Variants in REELD1 observed in about 807,000 individuals in gnomAD.
The protein encoded by REELD1 is reelin domain-containing protein 1.
In REELD1, 12 loss-of-function variants were observed where a neutral mutation model predicts 6.3. The observed-to-expected ratio is 1.89, with a 90% CI of 1.21 to 3.07. The LOEUF (loss-of-function observed/expected upper bound fraction) is 3.07, where lower values mean the gene tolerates loss of function less well. REELD1 is among the 30% of genes most tolerant of loss of function. REELD1 has a pLI of 0.00. For missense variants in REELD1, 163 were observed against 86.8 expected (o/e 1.88, Z -3.49); for synonymous variants, 57 against 33.6 (o/e 1.70, Z -2.42).
intron 5 of REELD1, among the ~76,000 whole-genome samples, chr4:146,227,062 C>T (rs1462639213): frequency 2.6e-5 from 4 of 152,208 alleles, no homozygotes; most frequent in Non-Finnish European, 5.9e-5. Context: ...CGCGAGCGCC[C>T]GGCCTCTTTA....
In REELD1 at chr4:146,230,616, T is replaced by A. The variant is rs1408012026; in HGVS notation, c.*103T>A. 2.5e-6 allele frequency: 1 copy of A among 397,334 alleles called. No individual in the cohort carries two copies. Among genetic ancestry groups the A allele is most frequent in the East Asian group, 3.6e-5 (1 of 28,068 alleles). 24.6% of individuals were successfully genotyped at this position (397,334 alleles called of 1,614,324 possible). ...AATAACTGATGAAGACAGGGACTCA[T>A]TGTGCCTCTGTCAATGTGCAGTTAG... On this transcript the variant is annotated 3_prime_UTR_variant, in exon 8 of 8. Coordinates refer to ENST00000623665, the MANE Select transcript of REELD1 (RefSeq NM_001354631.1).
rs1730842048 is a variant in REELD1, at chr4:146,217,150, C to A, written c.198C>A (p.Asp66Glu). ...ACAGGACTTCCTATGCACCAGGTGACAAGATTCCAGGTATGTACCAGAGAG... is the reference window on the plus strand; with the variant it reads ...ACAGGACTTCCTATGCACCAGGTGAAAAGATTCCAGGTATGTACCAGAGAG... ...HTHRTSYAPG[D>E]KIPVTVRSSR... is the part of the protein sequence containing the mutation. Residue 66 changes from aspartate to glutamate, a missense_variant, in exon 3 of 8, where the codon GAC becomes GAA. Coordinates refer to ENST00000623665, the MANE Select transcript of REELD1 (RefSeq NM_001354631.1). 2.5e-6 allele frequency: 1 copy of A among 399,494 alleles called. No homozygotes were observed. The highest frequency in any genetic ancestry group is 2.1e-5 in the African/African-American group (1 of 48,636). 24.7% of individuals were successfully genotyped at this position (399,494 alleles called of 1,614,324 possible). A position where few individuals can be genotyped will look rare whatever the true frequency, so the allele number is the denominator to read the frequency against.
rs576118956 is a variant in REELD1 at position 146,218,706 on chromosome 4, G to A, written c.208+1546G>A. On this transcript the variant is annotated intron_variant, in intron 3 of 7. Coordinates refer to ENST00000623665, the MANE Select transcript of REELD1 (RefSeq NM_001354631.1). Reference sequence around the variant, plus strand: ...AGTGAGTCTGTGTATTTAGCACACCGGGGCAAATGCAAGAGGCTCCCCAAG... The same window carrying A: ...AGTGAGTCTGTGTATTTAGCACACCAGGGCAAATGCAAGAGGCTCCCCAAG... 6.6e-5 allele frequency among the ~76,000 whole-genome samples: 10 copies of A among 152,242 alleles called. 1 individual carries two copies. In the South Asian group the frequency reaches 8.3e-4, roughly 13 times the overall value.
At chr4:146,224,740 C>A in intron 5 of REELD1, 132 bp downstream of exon 5, 1 of 632,064 alleles carries the variant, frequency 1.6e-6, no homozygotes, top group Admixed American at 2.3e-5. Context: ...CCGTGGCCAA[C>A]TGCAGCAGTT....
In REELD1 at chr4:146,222,427, C is replaced by T. The variant is rs990587951; in HGVS notation, c.279C>T (p.Ile93=). 11 of 398,596 alleles carry T rather than the reference C, an allele frequency of 2.8e-5. No individual in the cohort carries two copies. Among genetic ancestry groups the T allele is most frequent in the African/African-American group, 1.6e-4 (8 of 48,742 alleles). The allele number at this position is 398,596 out of a possible 1,614,324, so 24.7% of individuals were successfully genotyped here. Residue 93 remains isoleucine, a synonymous_variant, in exon 4 of 8, where the codon ATC becomes ATT. Coordinates refer to ENST00000623665, the MANE Select transcript of REELD1 (RefSeq NM_001354631.1). ...CTCGAAGAGTGTCCGATCATCAAAT[C>T]GCTGGCACTTTCGTTCTCATTCCTC... ...LQARRVSDHQ[I]AGTFVLIPPH...
rs534863413 is a variant in REELD1, at chr4:146,216,857, G to A, written c.-11-85G>A. ...ATCTCAGGTACAGAGGCAGTGTGGG[G>A]TTCAGGTTAGTCACATCCCGAGAAG... On this transcript the variant is annotated intron_variant, in intron 2 of 7. Coordinates refer to ENST00000623665, the MANE Select transcript of REELD1 (RefSeq NM_001354631.1). 2.3e-5 allele frequency: 9 copies of A among 397,690 alleles called. 1 individual carries two copies. The South Asian group carries it at 7.1e-4, about 31-fold the overall frequency. The allele number at this position is 397,690 out of a possible 1,614,324, so 24.6% of individuals were successfully genotyped here. A position where few individuals can be genotyped will look rare whatever the true frequency, so the allele number is the denominator to read the frequency against.
chr4:146,223,066 G>A (rs891504144), intron 4 of REELD1, among the ~76,000 whole-genome samples: 1 of 152,146 alleles, frequency 6.6e-6, no homozygotes, highest in Non-Finnish European at 1.5e-5. Context: ...GCCTACGTTC[G>A]CTCAGAAGAG....
At position 146,230,418 on chromosome 4, in the gene REELD1, C is replaced by T. The variant is rs1731109056; in HGVS notation, c.1486C>T (p.His496Tyr). The change falls in exon 8 of 8, where the codon CAC (histidine) becomes TAC (tyrosine). Residue 496 changes from histidine (H) to tyrosine (Y), a missense_variant. By Grantham distance (83) the His-to-Tyr change is moderately conservative. Coordinates refer to ENST00000623665, the MANE Select transcript of REELD1 (RefSeq NM_001354631.1). The part of the protein sequence containing the change: ...VARSNSGETV[H>Y]VRKIGENSFV... ...CAGGAGCAACAGTGGTGAGACTGTGCACGTCAGGAAGATTGGGGAGAACAG... is the reference window on the plus strand; with the variant it reads ...CAGGAGCAACAGTGGTGAGACTGTGTACGTCAGGAAGATTGGGGAGAACAG... 2.5e-6 allele frequency: 1 copy of T among 398,730 alleles called. No homozygotes were observed. Among genetic ancestry groups the T allele is most frequent in the Non-Finnish European group, 4.4e-6 (1 of 226,124 alleles). The allele number at this position is 398,730 out of a possible 1,614,324, so 24.7% of individuals were successfully genotyped here.
chr4:146,224,923 A>C (rs1730994117), intron 5 of REELD1, among the ~76,000 whole-genome samples: 1 of 152,150 alleles, frequency 6.6e-6, no homozygotes, highest in Non-Finnish European at 1.5e-5. Flanking sequence ...TTCCCCCAAC[A>C]TTTACTAGTC....
intron 5 of REELD1, among the ~76,000 whole-genome samples, chr4:146,225,974 CATGT>C (rs1731014888): frequency 6.6e-6 from 1 of 152,064 alleles, no homozygotes; most frequent in Admixed American, 6.5e-5. Context: ...CTTGTGCACG[CATGT>C]ATGTATTTAT....
At chr4:146,218,091 A>G (rs1730857429) in intron 3 of REELD1, among the ~76,000 whole-genome samples, 1 of 152,224 alleles carries the variant, frequency 6.6e-6, no homozygotes, top group Non-Finnish European at 1.5e-5. Flanking sequence ...GGGCAAGAGG[A>G]GATGCCAGTC....
chr4:146,222,862 G>A (rs1730948222), intron 4 of REELD1, among the ~76,000 whole-genome samples: 1 of 152,176 alleles, frequency 6.6e-6, no homozygotes, highest in Non-Finnish European at 1.5e-5. Context: ...CTCTCTAGGA[G>A]TTTCTGACCA....
rs1264517671 is a variant in REELD1 at position 146,232,161 on chromosome 4, G to A, written c.*1648G>A. 1 of 152,208 alleles carries A rather than the reference G, an allele frequency of 6.6e-6. No individual in the cohort carries two copies. The highest frequency in any genetic ancestry group is 2.4e-5 in the African/African-American group (1 of 41,452). The allele number at this position is 152,208 out of a possible 1,614,324, so 9.4% of individuals were successfully genotyped here. A position where few individuals can be genotyped will look rare whatever the true frequency, so the allele number is the denominator to read the frequency against. ...ATGCAAACTTTTTTAGATCTTTTCT[G>A]TCTAAGAGAGAATTTTCCTATGTAA... On this transcript the variant is annotated 3_prime_UTR_variant, in exon 8 of 8. Transcript: ENST00000623665.
chr4:146,215,239 T>G (rs1293475611), intron 2 of REELD1, 41 bp downstream of exon 2: 1 of 152,204 alleles, frequency 6.6e-6, no homozygotes, highest in Non-Finnish European at 1.5e-5. Context: ...GCATTTTGTA[T>G]GTGGCCCTTA....
At chr4:146,223,031 C>G (rs1385768302) in intron 4 of REELD1, among the ~76,000 whole-genome samples, 2 of 152,138 alleles carry the variant, frequency 1.3e-5, no homozygotes, top group East Asian at 3.9e-4. Context: ...CAGCACCTCC[C>G]TCAGGGTTGT....
intron 2 of REELD1, among the ~76,000 whole-genome samples, chr4:146,216,651 A>C (rs148945082): frequency 3.3e-5 from 5 of 152,298 alleles, no homozygotes; most frequent in African/African-American, 1.2e-4. Flanking sequence ...TATTTCTTTG[A>C]CTCAATAATT....
intron 2 of REELD1, 50 bp from the exon 3 acceptor site, chr4:146,216,892 C>T (rs956428550): frequency 1.3e-5 from 5 of 397,914 alleles, no homozygotes; most frequent in African/African-American, 8.2e-5. Flanking sequence ...GACTTTATGT[C>T]GTTTTCCTAA....
At chr4:146,229,498 G>A (rs1270252937) in intron 7 of REELD1, among the ~76,000 whole-genome samples, 1 of 152,182 alleles carries the variant, frequency 6.6e-6, no homozygotes, top group Admixed American at 6.5e-5. Context: ...AAAACAAGGT[G>A]TAATGTTCTT....
In REELD1 at chr4:146,228,263, G is replaced by T. The variant is rs1320818312; in HGVS notation, c.649G>T (p.Ala217Ser). Residue 217 changes from alanine to serine, a missense_variant, in exon 6 of 8, where the codon GCC becomes TCC. Coordinates refer to ENST00000623665, the MANE Select transcript of REELD1 (RefSeq NM_001354631.1). The part of the protein sequence containing the change: ...PQQHTHVFAV[A>S]LPGAAEEDNL... The stretch of plus-strand genomic sequence containing the variant: ...GCAGCACACACATGTCTTTGCTGTT[G>T]CCCTTCCTGGAGCTGCAGAGGAGGA... 1.4e-6 allele frequency: 1 copy of T among 702,416 alleles called. No homozygotes were observed. The highest frequency in any genetic ancestry group is 1.7e-5 in the African/African-American group (1 of 57,246). The allele number at this position is 702,416 out of a possible 1,614,324, so 43.5% of individuals were successfully genotyped here. A position where few individuals can be genotyped will look rare whatever the true frequency, so the allele number is the denominator to read the frequency against.
Sources: allele counts gnomAD v4.1 joint callset (sites outside exome capture counted in the v4.1 genomes callset), GRCh38; gene constraint gnomAD v4.1.1; transcripts MANE v1.5; gene names NCBI Gene and HGNC (gene_info 2026-07-23, HGNC 2026-07-21).